Variants in DTNB observed in about 807,000 individuals in gnomAD.
DTNB encodes DTN-B.
In DTNB, 63 loss-of-function variants were observed where a neutral mutation model predicts 90.7. That is an observed-to-expected ratio of 0.69 (90% confidence interval 0.57 to 0.86). DTNB has a LOEUF of 0.86. Among genes scored for constraint, DTNB ranks in the 40% least tolerant of loss-of-function variants. The pLI is 0.00. For synonymous variants in DTNB, 277 were observed against 286.7 expected, an observed-to-expected ratio of 0.97 and a Z score of 0.34; for missense variants, 744 against 807.1, an observed-to-expected ratio of 0.92 and a Z score of 0.95.
At position 25,619,870 on chromosome 2, in the gene DTNB, T is replaced by C. The variant is rs1447879600; in HGVS notation, c.362+8301A>G. Reference sequence around the variant, plus strand: ...GCCTGACCAACATGGTGAAACCCCATCTCTACTAAAAATACAAAAATTAGC... The same window carrying C: ...GCCTGACCAACATGGTGAAACCCCACCTCTACTAAAAATACAAAAATTAGC... On this transcript the variant is annotated intron_variant, in intron 4 of 20. Transcript: ENST00000406818. Among the ~76,000 whole-genome samples, 7 of 151,882 alleles carry C rather than the reference T, an allele frequency of 4.6e-5. No individual in the cohort carries two copies. The East Asian group carries it at 1.4e-3, about 29-fold the overall frequency.
intron 5 of DTNB, 97 bp from the exon 6 acceptor site, chr2:25,596,337 T>A: frequency 7.7e-7 from 1 of 1,305,758 alleles, no homozygotes; most frequent in Non-Finnish European, 1.0e-6. Context: ...AAAGTATCAT[T>A]AAAAAAGTAT....
At chr2:25,643,872 A>G (rs2078877686) in intron 2 of DTNB, among the ~76,000 whole-genome samples, 1 of 152,190 alleles carries the variant, frequency 6.6e-6, no homozygotes, top group Admixed American at 6.5e-5. Context: ...AGGATGAGAT[A>G]GGAGGTCAGC....
intron 9 of DTNB, among the ~76,000 whole-genome samples, chr2:25,511,954 C>A (rs997100466): frequency 1.3e-5 from 2 of 152,082 alleles, no homozygotes. Flanking sequence ...CAAAACAATT[C>A]TATTTAAAAA....
intron 1 of DTNB, among the ~76,000 whole-genome samples, chr2:25,659,609 A>G (rs1287314030): frequency 6.6e-6 from 1 of 152,208 alleles, no homozygotes; most frequent in Non-Finnish European, 1.5e-5. Flanking sequence ...ACACCATAGA[A>G]ATATTATGAA....
intron 10 of DTNB, among the ~76,000 whole-genome samples, chr2:25,458,350 C>G (rs2060377242): frequency 6.6e-6 from 1 of 151,352 alleles, no homozygotes; most frequent in South Asian, 2.1e-4. Context: ...ATTAAAGGAG[C>G]ACTGGCAGCG....
chr2:25,381,620 C>A (rs1284284742), intron 19 of DTNB, among the ~76,000 whole-genome samples: 1 of 152,184 alleles, frequency 6.6e-6, no homozygotes, highest in Non-Finnish European at 1.5e-5. Context: ...AAGTGATCCC[C>A]CTGCCTCAGC....
At chr2:25,388,165 C>T (rs932479624) in intron 17 of DTNB, 37 bp downstream of exon 17, 69 of 1,545,918 alleles carry the variant, frequency 4.5e-5, no homozygotes, top group Non-Finnish European at 5.7e-5. Context: ...TTGCACATCC[C>T]TTCAGCTCCC....
chr2:25,507,651 ACTC>A (rs986492116), intron 9 of DTNB, among the ~76,000 whole-genome samples: 57 of 152,014 alleles, frequency 3.7e-4, no homozygotes, highest in African/African-American at 1.4e-3. Flanking sequence ...TCAAAAGCTG[ACTC>A]CTTCCTTCCA....
intron 19 of DTNB, 47 bp from the exon 20 acceptor site, chr2:25,379,370 C>G: frequency 7.7e-7 from 1 of 1,306,854 alleles, no homozygotes; most frequent in South Asian, 3.3e-5. Flanking sequence ...ACGGCCAGGT[C>G]TTCTCATGCC....
intron 13 of DTNB, 95 bp downstream of exon 13, chr2:25,433,815 G>A (rs1229910579): frequency 2.7e-5 from 39 of 1,424,282 alleles, no homozygotes; most frequent in Middle Eastern, 1.8e-4. Context: ...CTTCCTTGGC[G>A]GTCAAAAGCC....
chr2:25,558,770 G>A (rs1339174943), intron 8 of DTNB, among the ~76,000 whole-genome samples: 1 of 152,170 alleles, frequency 6.6e-6, no homozygotes, highest in Non-Finnish European at 1.5e-5. Flanking sequence ...TGATTGAAAG[G>A]AGCAATATCT....
intron 13 of DTNB, among the ~76,000 whole-genome samples, chr2:25,433,444 C>T (rs1198838075): frequency 3.3e-5 from 5 of 151,972 alleles, no homozygotes; most frequent in Non-Finnish European, 7.4e-5. Context: ...TACCTTAGGT[C>T]GGGTCTCCAC....
At chr2:25,532,085 A>G (rs1184757988) in intron 8 of DTNB, among the ~76,000 whole-genome samples, 1 of 152,058 alleles carries the variant, frequency 6.6e-6, no homozygotes, top group Non-Finnish European at 1.5e-5. Flanking sequence ...TGTCTCTACT[A>G]AAAATACAAA....
chr2:25,523,052 T>C, intron 9 of DTNB, among the ~76,000 whole-genome samples: 1 of 152,178 alleles, frequency 6.6e-6, no homozygotes, highest in East Asian at 1.9e-4. Flanking sequence ...ACTAATTTAT[T>C]ATTTTGCTGG....
chr2:25,463,139 CATT>C (rs2061272864), intron 10 of DTNB, among the ~76,000 whole-genome samples: 1 of 152,194 alleles, frequency 6.6e-6, no homozygotes, highest in African/African-American at 2.4e-5. Context: ...GCCCAATGGG[CATT>C]TCAAACCTAA....
intron 1 of DTNB, among the ~76,000 whole-genome samples, chr2:25,660,404 T>C (rs1400528099): frequency 6.6e-6 from 1 of 152,138 alleles, no homozygotes; most frequent in South Asian, 2.1e-4. Context: ...AAATTAATCA[T>C]TGGTTTCCAG....
At chr2:25,378,145 C>G (rs1428297365) in intron 20 of DTNB, among the ~76,000 whole-genome samples, 3 of 152,284 alleles carry the variant, frequency 2.0e-5, no homozygotes, top group Non-Finnish European at 2.9e-5. Context: ...CCTTCTGCCC[C>G]GGGGAGAGAG....
chr2:25,403,903 A>G (rs2044375754), intron 16 of DTNB, among the ~76,000 whole-genome samples: 1 of 152,198 alleles, frequency 6.6e-6, no homozygotes, highest in Non-Finnish European at 1.5e-5. Flanking sequence ...TGTAGCTGGG[A>G]GTACAGGCGT....
intron 3 of DTNB, among the ~76,000 whole-genome samples, chr2:25,634,440 T>G (rs1573791767): frequency 1.1e-4 from 16 of 140,290 alleles, no homozygotes; most frequent in South Asian, 4.6e-4. Flanking sequence ...GGTGGGGGGG[T>G]CAGCCCCCCG....
Sources: gnomAD v4.1 joint callset for allele counts (sites outside exome capture counted in the v4.1 genomes callset) on GRCh38, gnomAD v4.1.1 for gene constraint, MANE v1.5 for transcripts, NCBI Gene and HGNC (gene_info 2026-07-23, HGNC 2026-07-21) for gene names.